KALRN: variants seen among roughly 807,000 people sequenced by gnomAD.
KALRN encodes kalirin.
A neutral mutation model predicts 353.7 loss-of-function variants in KALRN; 70 were observed. The observed-to-expected ratio is 0.20, with a 90% CI of 0.16 to 0.24. KALRN has a LOEUF of 0.24. KALRN is among the 10% of genes least tolerant of loss of function. The pLI is 1.00. For synonymous variants in KALRN, 1,391 were observed against 1,434.8 expected (o/e 0.97, Z 0.69); for missense variants, 2,791 against 3,756.7 (o/e 0.74, Z 6.72).
intron 1 of KALRN, among the ~76,000 whole-genome samples, chr3:124,092,431 A>T (rs1559932960): frequency 6.6e-6 from 1 of 152,202 alleles, no homozygotes; most frequent in Non-Finnish European, 1.5e-5. Context: ...TTACTTGGAG[A>T]TGCACTCTCT....
intron 33 of KALRN, among the ~76,000 whole-genome samples, chr3:124,561,347 A>G (rs1338513611): frequency 6.6e-6 from 1 of 152,116 alleles, no homozygotes. Flanking sequence ...TCTGATCCCA[A>G]TGGCAGTCCT....
intron 6 of KALRN, among the ~76,000 whole-genome samples, chr3:124,303,685 T>C (rs1163771530): frequency 6.6e-6 from 1 of 152,222 alleles, no homozygotes; most frequent in East Asian, 1.9e-4. Flanking sequence ...TGAAATGATA[T>C]TCATTTTCTA....
In KALRN at chr3:124,228,572, C is replaced by T. The variant is rs115746316; in HGVS notation, c.148+508C>T. Among the ~76,000 whole-genome samples the T allele has an allele frequency of 2.0e-3, 311 of 152,278 alleles. 2 individuals carry two copies. The highest frequency in any genetic ancestry group is 7.3e-3 in the African/African-American group (304 of 41,556). On this transcript the variant is annotated intron_variant, in intron 2 of 59. Transcript: ENST00000682506. ...TTCTCTCTCCCATACATCTTGTGCACAAAGACCTCTTAATGTCTCACTCTG... is the reference window on the plus strand; with the variant it reads ...TTCTCTCTCCCATACATCTTGTGCATAAAGACCTCTTAATGTCTCACTCTG...
At chr3:124,158,022 C>G (rs1214198388) in intron 1 of KALRN, among the ~76,000 whole-genome samples, 1 of 152,192 alleles carries the variant, frequency 6.6e-6, no homozygotes, top group Non-Finnish European at 1.5e-5. Context: ...CTCCTCAGGG[C>G]TCCCCTTTTC....
intron 45 of KALRN, among the ~76,000 whole-genome samples, chr3:124,664,372 C>CGCGCGT (rs2085320816): frequency 2.7e-5 from 3 of 109,610 alleles, no homozygotes; most frequent in African/African-American, 1.3e-4. Context: ...TGTGTGTGTG[C>CGCGCGT]GCGCGCGCGC....
intron 1 of KALRN, among the ~76,000 whole-genome samples, chr3:124,039,291 G>T (rs1019294354): frequency 6.6e-6 from 1 of 152,152 alleles, no homozygotes; most frequent in Non-Finnish European, 1.5e-5. Context: ...AGCTTTCACA[G>T]CTCACGATGA....
intron 3 of KALRN, among the ~76,000 whole-genome samples, chr3:124,239,293 C>G (rs552103485): frequency 3.3e-5 from 5 of 152,182 alleles, no homozygotes; most frequent in African/African-American, 1.2e-4. Flanking sequence ...TGGGAGTTGA[C>G]GAAATGCTTG....
At chr3:124,432,414 A>G (rs2093314604) in intron 16 of KALRN, among the ~76,000 whole-genome samples, 1 of 152,212 alleles carries the variant, frequency 6.6e-6, no homozygotes, top group Non-Finnish European at 1.5e-5. Context: ...ACCCTGTCTC[A>G]AAAACAAAAA....
chr3:124,261,685 G>A (rs2072886256), intron 3 of KALRN, among the ~76,000 whole-genome samples: 1 of 152,182 alleles, frequency 6.6e-6, no homozygotes, highest in Admixed American at 6.5e-5. Flanking sequence ...TAGCAACACA[G>A]AATATTTGTT....
At chr3:124,117,986 T>C (rs2063606761) in intron 1 of KALRN, among the ~76,000 whole-genome samples, 1 of 152,206 alleles carries the variant, frequency 6.6e-6, no homozygotes, top group Non-Finnish European at 1.5e-5. Flanking sequence ...TAATTAATGT[T>C]GAACGTAAAA....
intron 1 of KALRN, among the ~76,000 whole-genome samples, chr3:124,091,221 G>A (rs536901785): frequency 1.1e-4 from 16 of 152,342 alleles, no homozygotes; most frequent in African/African-American, 2.4e-4. Context: ...AATGGTAGCC[G>A]GGTGGAGCCC....
In KALRN at chr3:124,708,278, G is replaced by A. The variant is rs114889374; in HGVS notation, c.8076-4657G>A. 1.9e-3 allele frequency among the ~76,000 whole-genome samples: 295 copies of A among 152,088 alleles called. 3 individuals are homozygous for A. Among genetic ancestry groups the A allele is most frequent in the African/African-American group, 6.8e-3 (283 of 41,486 alleles). ...AGCAGAAAAAACTTAAAAAATTCTC[G>A]GGAAGAAAACAATCAACAGATGCCA... is the stretch of plus-strand genomic sequence containing the variant. On this transcript the variant is annotated intron_variant, in intron 57 of 59. Coordinates refer to ENST00000682506, the MANE Select transcript of KALRN (RefSeq NM_001388419.1).
At chr3:124,496,942 C>T (rs1445040132) in intron 33 of KALRN, among the ~76,000 whole-genome samples, 1 of 152,162 alleles carries the variant, frequency 6.6e-6, no homozygotes, top group Non-Finnish European at 1.5e-5. Flanking sequence ...ATGATGCTTT[C>T]CTCTGGCCAG....
chr3:124,202,303 T>G (rs756593914), intron 1 of KALRN, among the ~76,000 whole-genome samples: 43 of 152,206 alleles, frequency 2.8e-4, no homozygotes, highest in Non-Finnish European at 5.4e-4. Context: ...AAGGCTGGAT[T>G]GCAGTGGTGC....
chr3:124,471,872 C>T (rs1577210971), intron 25 of KALRN, among the ~76,000 whole-genome samples: 1 of 148,768 alleles, frequency 6.7e-6, no homozygotes, highest in African/African-American at 2.5e-5. Context: ...GAGGCTGAGG[C>T]AGGAGAATGG....
chr3:124,418,381 A>G (rs1398247620), intron 14 of KALRN, among the ~76,000 whole-genome samples: 1 of 152,158 alleles, frequency 6.6e-6, no homozygotes, highest in Non-Finnish European at 1.5e-5. Flanking sequence ...TTAACTTCCC[A>G]GGTGATTTTA....
intron 27 of KALRN, among the ~76,000 whole-genome samples, chr3:124,481,670 A>G (rs2061999660): frequency 6.6e-6 from 1 of 152,196 alleles, no homozygotes; most frequent in Admixed American, 6.5e-5. Flanking sequence ...CCATTCAGTC[A>G]TGGTCCTCAT....
intron 34 of KALRN, among the ~76,000 whole-genome samples, chr3:124,610,463 G>T (rs1310918592): frequency 6.6e-6 from 1 of 152,156 alleles, no homozygotes. Flanking sequence ...GGGCTCTGGG[G>T]GGACAAGGGG....
chr3:124,135,637 C>T (rs2065841192), intron 1 of KALRN, among the ~76,000 whole-genome samples: 1 of 152,118 alleles, frequency 6.6e-6, no homozygotes, highest in South Asian at 2.1e-4. Flanking sequence ...GGGACCCAGC[C>T]TGTTTTTAAG....
Sources: allele counts gnomAD v4.1 joint callset (sites outside exome capture counted in the v4.1 genomes callset), GRCh38; gene constraint gnomAD v4.1.1; transcripts MANE v1.5; gene names NCBI Gene and HGNC (gene_info 2026-07-23, HGNC 2026-07-21).